The following SPOCK1 variants were observed in gnomAD, a reference collection of about 807,000 sequenced individuals.
SPOCK1 encodes the protein testican-1.
SPOCK1 carries 23 observed loss-of-function variants against 55.3 expected under a neutral mutation model. The observed-to-expected ratio is 0.42, with a 90% CI of 0.30 to 0.59. SPOCK1 has a LOEUF of 0.59. SPOCK1 is among the 20% of genes least tolerant of loss of function. SPOCK1 has a pLI of 0.22. For synonymous variants in SPOCK1, 226 were observed against 221.0 expected, an observed-to-expected ratio of 1.02 and a Z score of -0.20; for missense variants, 499 against 552.5, an observed-to-expected ratio of 0.90 and a Z score of 0.97.
chr5:137,126,654 C>A (rs780029292), intron 4 of SPOCK1, among the ~76,000 whole-genome samples: 1 of 152,050 alleles, frequency 6.6e-6, no homozygotes, highest in African/African-American at 2.4e-5. Flanking sequence ...CCAAGCTACT[C>A]GGGAGGCTGA....
chr5:137,410,434 T>C (rs1752185550), intron 2 of SPOCK1, among the ~76,000 whole-genome samples: 1 of 152,188 alleles, frequency 6.6e-6, no homozygotes, highest in Non-Finnish European at 1.5e-5. Flanking sequence ...CTTTTTAAGA[T>C]GTTATGAGCA....
chr5:137,228,952 C>G (rs1276821113), intron 3 of SPOCK1, among the ~76,000 whole-genome samples: 1 of 152,170 alleles, frequency 6.6e-6, no homozygotes, highest in African/African-American at 2.4e-5. Flanking sequence ...AGAACTTACC[C>G]TGGGTGGCTT....
intron 2 of SPOCK1, among the ~76,000 whole-genome samples, chr5:137,274,399 T>C (rs1251679743): frequency 6.6e-6 from 1 of 152,210 alleles, no homozygotes; most frequent in South Asian, 2.1e-4. Context: ...TATGTGGCCT[T>C]GCACAATCTA....
At chr5:137,035,291 G>A (rs970855492) in intron 6 of SPOCK1, among the ~76,000 whole-genome samples, 2 of 152,208 alleles carry the variant, frequency 1.3e-5, no homozygotes, top group Non-Finnish European at 2.9e-5. Flanking sequence ...GGCTCCCCCA[G>A]CGGATGGCAG....
intron 2 of SPOCK1, among the ~76,000 whole-genome samples, chr5:137,276,001 C>T (rs1027254102): frequency 6.6e-6 from 1 of 152,210 alleles, no homozygotes; most frequent in Non-Finnish European, 1.5e-5. Context: ...AGGCTGTTCA[C>T]ACTGCCTCAA....
At chr5:137,215,763 A>G (rs1392535546) in intron 3 of SPOCK1, among the ~76,000 whole-genome samples, 1 of 152,174 alleles carries the variant, frequency 6.6e-6, no homozygotes. Context: ...CAATTTTTGT[A>G]GATTCAGGAA....
chr5:137,151,915 G>C (rs1385941315), intron 3 of SPOCK1, among the ~76,000 whole-genome samples: 1 of 152,138 alleles, frequency 6.6e-6, no homozygotes, highest in Non-Finnish European at 1.5e-5. Flanking sequence ...ATTTGGCTGT[G>C]GGTTTATAAA....
At chr5:137,146,091 G>A (rs1240919630) in intron 3 of SPOCK1, among the ~76,000 whole-genome samples, 1 of 152,122 alleles carries the variant, frequency 6.6e-6, no homozygotes, top group Non-Finnish European at 1.5e-5. Context: ...GCAGGAAGAG[G>A]GAACCCTAAA....
chr5:137,487,121 AT>A (rs1039780112), intron 2 of SPOCK1, among the ~76,000 whole-genome samples: 12 of 152,140 alleles, frequency 7.9e-5, no homozygotes, highest in Admixed American at 2.0e-4. Context: ...CCTCTTGGCA[AT>A]TTTTTTTAAT....
At chr5:137,228,665 CA>C (rs202246741) in intron 3 of SPOCK1, among the ~76,000 whole-genome samples, 5 of 151,460 alleles carry the variant, frequency 3.3e-5, no homozygotes, top group East Asian at 3.9e-4. Flanking sequence ...CAAAAGAAAA[CA>C]AAAAAAACCT....
chr5:136,991,394 C>T (rs1750944984), intron 7 of SPOCK1, among the ~76,000 whole-genome samples: 1 of 151,822 alleles, frequency 6.6e-6, no homozygotes, highest in South Asian at 2.1e-4. Flanking sequence ...GATTGATGTT[C>T]TCCACTGATA....
chr5:137,300,319 T>G lies in SPOCK1; in HGVS notation c.187-33264A>C, dbSNP rs532374800. Among the ~76,000 whole-genome samples, 3 of 152,340 alleles carry G rather than the reference T, an allele frequency of 2.0e-5. No homozygotes were observed. The South Asian group carries it at 6.2e-4, about 32-fold the overall frequency. Reference sequence around the variant, plus strand: ...CTCTGAACATATTTATAACATGGTTTTGAAGTACTTGTCTCCTAATTCTCA... The same window carrying G: ...CTCTGAACATATTTATAACATGGTTGTGAAGTACTTGTCTCCTAATTCTCA... On this transcript the variant is annotated intron_variant, in intron 2 of 10. Coordinates refer to ENST00000394945, the MANE Select transcript of SPOCK1 (RefSeq NM_004598.4).
chr5:137,232,188 A>C (rs972968228), intron 3 of SPOCK1, among the ~76,000 whole-genome samples: 4 of 152,098 alleles, frequency 2.6e-5, no homozygotes, highest in African/African-American at 4.8e-5. Flanking sequence ...TTTTTTAAAA[A>C]TTTTTTAATA....
intron 6 of SPOCK1, among the ~76,000 whole-genome samples, chr5:137,028,497 T>C (rs2126984262): frequency 6.6e-6 from 1 of 152,260 alleles, no homozygotes; most frequent in South Asian, 2.1e-4. Flanking sequence ...GCTGCCAGCA[T>C]CCCAGAGACA....
At chr5:137,127,825 A>G (rs1753805396) in intron 4 of SPOCK1, among the ~76,000 whole-genome samples, 1 of 152,208 alleles carries the variant, frequency 6.6e-6, no homozygotes, top group African/African-American at 2.4e-5. Flanking sequence ...TCTCATTCCT[A>G]CTGGATTTAG....
chr5:137,267,795 T>C (rs1003588204), intron 2 of SPOCK1, among the ~76,000 whole-genome samples: 2 of 152,236 alleles, frequency 1.3e-5, no homozygotes, highest in Non-Finnish European at 2.9e-5. Context: ...ACAGCCACCA[T>C]GTACTCCCTT....
chr5:137,391,551 T>C (rs1436504534), intron 2 of SPOCK1, among the ~76,000 whole-genome samples: 1 of 152,066 alleles, frequency 6.6e-6, no homozygotes, highest in South Asian at 2.1e-4. Flanking sequence ...AAGCTGTAAC[T>C]GCAAATACAG....
intron 2 of SPOCK1, among the ~76,000 whole-genome samples, chr5:137,401,047 T>C (rs1751965520): frequency 6.6e-6 from 1 of 151,744 alleles, no homozygotes; most frequent in South Asian, 2.1e-4. Context: ...AGGGCCTGTC[T>C]CTCAACAGGG....
rs971583943 is a variant in SPOCK1 at position 137,498,611 on chromosome 5, C to A, written c.1-53G>T. 20 of 1,246,258 alleles carry A rather than the reference C, an allele frequency of 1.6e-5. No individual in the cohort carries two copies. In the African/African-American group the frequency reaches 2.8e-4, roughly 18 times the overall value. 77.2% of individuals were successfully genotyped at this position (1,246,258 alleles called of 1,614,324 possible). On this transcript the variant is annotated intron_variant, in intron 1 of 10. Transcript: ENST00000394945. ...AGCGAAGAGGGCGGGCGGCCGCGAG[C>A]CCCGGGCACCCAGGCGTCCCAGCGC...
Sources: gnomAD v4.1 joint callset for allele counts (sites outside exome capture counted in the v4.1 genomes callset) on GRCh38, gnomAD v4.1.1 for gene constraint, MANE v1.5 for transcripts, NCBI Gene and HGNC (gene_info 2026-07-23, HGNC 2026-07-21) for gene names.